ITGA8: variants seen among roughly 807,000 people sequenced by gnomAD.
ITGA8 encodes the protein integrin subunit alpha 8, also known as integrin alpha-8.
In ITGA8, 91 loss-of-function variants were observed where a neutral mutation model predicts 142.3. The observed-to-expected ratio is 0.64, with a 90% CI of 0.54 to 0.76. The LOEUF is 0.76. ITGA8 is among the 30% of genes least tolerant of loss of function. The probability of loss-of-function intolerance (pLI) is 0.00; values close to 1 mark genes in which losing one functional copy is unlikely to be tolerated. For synonymous variants in ITGA8, 505 were observed against 485.2 expected, an observed-to-expected ratio of 1.04 and a Z score of -0.54; for missense variants, 1,406 against 1,327.7, an observed-to-expected ratio of 1.06 and a Z score of -0.92.
intron 13 of ITGA8, among the ~76,000 whole-genome samples, chr10:15,621,287 CAT>C (rs1833486859): frequency 1.3e-5 from 2 of 151,014 alleles, no homozygotes; most frequent in Admixed American, 6.6e-5. Flanking sequence ...GCCTGAGAAA[CAT>C]AGTTTATTTT....
chr10:15,655,127 GTCC>G (rs981706411), intron 11 of ITGA8, among the ~76,000 whole-genome samples: 9 of 152,038 alleles, frequency 5.9e-5, no homozygotes, highest in African/African-American at 2.2e-4. Context: ...AAATAAAATA[GTCC>G]TCCTCTAGAA....
chr10:15,718,698 T>G, intron 2 of ITGA8, 68 bp downstream of exon 2: 1 of 1,582,658 alleles, frequency 6.3e-7, no homozygotes, highest in Non-Finnish European at 8.6e-7. Context: ...CAGCGGGAAG[T>G]CGCCTCTGGG....
At chr10:15,694,508 T>C (rs945002248) in intron 2 of ITGA8, among the ~76,000 whole-genome samples, 1 of 137,542 alleles carries the variant, frequency 7.3e-6, no homozygotes, top group Non-Finnish European at 1.5e-5. Context: ...AAAATGTATC[T>C]AATATATTAT....
At chr10:15,563,373 G>A (rs1834017856) in intron 25 of ITGA8, among the ~76,000 whole-genome samples, 1 of 152,172 alleles carries the variant, frequency 6.6e-6, no homozygotes, top group Non-Finnish European at 1.5e-5. Context: ...GAAATCACTA[G>A]CTAAAATTCT....
chr10:15,571,405 C>T (rs71493228), intron 25 of ITGA8, among the ~76,000 whole-genome samples: 123 of 152,360 alleles, frequency 8.1e-4, no homozygotes, highest in Admixed American at 2.2e-3. Context: ...CTCCTAAGGA[C>T]AATATCTGAC....
intron 27 of ITGA8, among the ~76,000 whole-genome samples, chr10:15,539,877 C>G (rs1032666406): frequency 6.6e-6 from 1 of 152,060 alleles, no homozygotes; most frequent in East Asian, 1.9e-4. Flanking sequence ...AGGGTGGGGC[C>G]GGGTGGAGAT....
At chr10:15,598,420 C>T (rs771533711) in intron 20 of ITGA8, among the ~76,000 whole-genome samples, 3 of 152,026 alleles carry the variant, frequency 2.0e-5, no homozygotes, top group African/African-American at 7.3e-5. Context: ...AAATGATCTT[C>T]CATTCCCTTC....
intron 13 of ITGA8, among the ~76,000 whole-genome samples, chr10:15,629,275 G>A (rs1044616802): frequency 1.3e-5 from 2 of 151,896 alleles, no homozygotes; most frequent in East Asian, 3.9e-4. Flanking sequence ...CCCATATTTT[G>A]CCCACAAGGA....
chr10:15,707,558 C>A (rs1835282463), intron 2 of ITGA8, among the ~76,000 whole-genome samples: 1 of 152,164 alleles, frequency 6.6e-6, no homozygotes, highest in African/African-American at 2.4e-5. Context: ...TGCAGTGGCT[C>A]ACACCTTTAA....
Position 15,531,075 on chromosome 10 carries a change from G to T in ITGA8, c.2957C>A (p.Ala986Glu). The T allele has an allele frequency of 6.3e-7, 1 of 1,576,010 alleles. No homozygotes were observed. Among genetic ancestry groups the T allele is most frequent in the Non-Finnish European group, 8.6e-7 (1 of 1,160,696 alleles). The change falls in exon 28 of 30, where the codon GCA (alanine) becomes GAA (glutamate). Residue 986 changes from alanine (A) to glutamate (E), a missense_variant. By Grantham distance (107) the Ala-to-Glu change is moderately radical (BLOSUM62 -1). Coordinates refer to ENST00000378076, the MANE Select transcript of ITGA8 (RefSeq NM_003638.3). ...VKKMPYTDQP[A>E]KLPEGSIVIK... is the part of the protein sequence containing the mutation. ...TACTATGCTTCCTTCTGGGAGTTTT[G>T]CTGGCTGATCTGTATAAGGCATCTT... is the stretch of plus-strand genomic sequence containing the variant.
intron 15 of ITGA8, among the ~76,000 whole-genome samples, chr10:15,611,804 A>T (rs987078506): frequency 2.1e-4 from 3 of 14,594 alleles, no homozygotes; most frequent in South Asian, 6.7e-3. Context: ...AATCTGGTTA[A>T]AAAAAAAAAA....
chr10:15,673,564 A>G (rs1834570097), intron 6 of ITGA8, among the ~76,000 whole-genome samples: 1 of 152,184 alleles, frequency 6.6e-6, no homozygotes, highest in Non-Finnish European at 1.5e-5. Context: ...TTGGTATTCT[A>G]ATAAAACATT....
chr10:15,583,827 T>C (rs1313285757), intron 23 of ITGA8, among the ~76,000 whole-genome samples: 1 of 152,232 alleles, frequency 6.6e-6, no homozygotes, highest in Non-Finnish European at 1.5e-5. Context: ...GGATGAATTT[T>C]ACTTTATGTA....
In ITGA8 at chr10:15,633,553, G is replaced by T. The variant is rs745324337; in HGVS notation, c.1399+10477C>A. On this transcript the variant is annotated intron_variant, in intron 13 of 29. Transcript: ENST00000378076. The stretch of plus-strand genomic sequence containing the variant: ...GGTTCAAGCAAGTTCCCAAGTAGCT[G>T]GGATGACAGGTGCGCACCTCCACAC... 8.5e-5 allele frequency among the ~76,000 whole-genome samples: 13 copies of T among 152,048 alleles called. 1 individual carries two copies. The highest frequency in any genetic ancestry group is 2.4e-5 in the African/African-American group (1 of 41,388).
rs762659990 is a variant in ITGA8 at position 15,608,309 on chromosome 10, A to C, written c.1554-19T>G. 65 of 1,528,362 alleles carry C rather than the reference A, an allele frequency of 4.3e-5. No individual in the cohort carries two copies. The highest frequency in any genetic ancestry group is 5.7e-5 in the Non-Finnish European group (64 of 1,123,388). The allele number at this position is 1,528,362 out of a possible 1,614,324, so 94.7% of individuals were successfully genotyped here. ...AGAAAAGCTATAGAAAATAGTAGTA[A>C]TTTATTGGTTAATAAAGTTTTGAAT... On this transcript the variant is annotated intron_variant, in intron 15 of 29. Transcript: ENST00000378076.
In ITGA8 at chr10:15,604,314, A is replaced by G. The variant is rs759624334; in HGVS notation, c.2012T>C (p.Met671Thr). The G allele has an allele frequency of 5.0e-6, 8 of 1,612,800 alleles. No homozygotes were observed. The South Asian group carries it at 8.8e-5, about 18-fold the overall frequency. ...TTCATTTCTTGCATTTATTATGAGC[A>G]TAAGGTGATTTTCATCTCCAATGAT... The part of the protein sequence containing the change: ...QVIIGDENHL[M>T]LIINARNEGE... Residue 671 changes from methionine (M) to threonine (T), a missense_variant, in exon 20 of 30, where the codon ATG (methionine) becomes ACG (threonine). Met to Thr is a moderately conservative substitution (Grantham distance 81). Coordinates refer to ENST00000378076, the MANE Select transcript of ITGA8 (RefSeq NM_003638.3).
intron 2 of ITGA8, among the ~76,000 whole-genome samples, chr10:15,712,963 A>G (rs1227399641): frequency 6.6e-6 from 1 of 152,220 alleles, no homozygotes; most frequent in Non-Finnish European, 1.5e-5. Flanking sequence ...TTGCAGATTA[A>G]GCAATAGGTG....
At chr10:15,601,135 A>C (rs1015877753) in intron 20 of ITGA8, among the ~76,000 whole-genome samples, 6 of 152,100 alleles carry the variant, frequency 3.9e-5, no homozygotes, top group Non-Finnish European at 8.8e-5. Context: ...GCTACCCGGG[A>C]GGCTGAGGCA....
At chr10:15,583,834 T>A (rs991632991) in intron 23 of ITGA8, among the ~76,000 whole-genome samples, 1 of 152,218 alleles carries the variant, frequency 6.6e-6, no homozygotes, top group African/African-American at 2.4e-5. Context: ...TTTTACTTTA[T>A]GTAATTTACA....
Sources: gnomAD v4.1 joint callset for allele counts (sites outside exome capture counted in the v4.1 genomes callset) on GRCh38, gnomAD v4.1.1 for gene constraint, MANE v1.5 for transcripts, NCBI Gene and HGNC (gene_info 2026-07-23, HGNC 2026-07-21) for gene names.